CYP7B1: variants seen among roughly 807,000 people sequenced by gnomAD.
CYP7B1 encodes cytochrome P450 7B1.
A neutral mutation model predicts 42.7 loss-of-function variants in CYP7B1; 29 were observed. The observed-to-expected ratio is 0.68, with a 90% CI of 0.51 to 0.93. The LOEUF is 0.93. Among genes scored for constraint, CYP7B1 ranks in the 40% least tolerant of loss-of-function variants. CYP7B1 has a pLI of 0.00. For synonymous variants in CYP7B1, 235 were observed against 218.2 expected (o/e 1.08, Z -0.68); for missense variants, 655 against 600.5 (o/e 1.09, Z -0.95).
In CYP7B1 at chr8:64,616,269, G is replaced by T; in HGVS notation, c.272C>A (p.Thr91Lys). ...FTVLLGGKYI[T>K]FILDPFQYQL... ...GTACTGGAAGGGGTCCAGGATAAAT[G>T]TTATGTACTTTCCTAGAAAAAAAAA... The change falls in exon 3 of 6, where the codon ACA becomes AAA. Residue 91 changes from threonine (T) to lysine (K), a missense_variant. By Grantham distance (78) the Thr-to-Lys change is moderately conservative. Coordinates refer to ENST00000310193, the MANE Select transcript of CYP7B1 (RefSeq NM_004820.5). 6.3e-7 allele frequency: 1 copy of T among 1,582,542 alleles called. No homozygotes were observed. Among genetic ancestry groups the T allele is most frequent in the Non-Finnish European group, 8.6e-7 (1 of 1,159,566 alleles).
intron 1 of CYP7B1, among the ~76,000 whole-genome samples, chr8:64,695,065 C>T (rs1370708669): frequency 6.6e-6 from 1 of 152,126 alleles, no homozygotes; most frequent in Admixed American, 6.5e-5. Context: ...CAAAACAATT[C>T]GAACCCTTCA....
At chr8:64,597,116 C>A (rs1805131434) in intron 5 of CYP7B1, among the ~76,000 whole-genome samples, 187 bp from the exon 6 acceptor site, 1 of 152,194 alleles carries the variant, frequency 6.6e-6, no homozygotes. Flanking sequence ...TAGGAAATTA[C>A]TTCTCCCATA....
At chr8:64,601,104 C>T (rs1233104541) in intron 5 of CYP7B1, among the ~76,000 whole-genome samples, 1 of 152,096 alleles carries the variant, frequency 6.6e-6, no homozygotes, top group African/African-American at 2.4e-5. Flanking sequence ...ATTCTAAGAA[C>T]AGTGGCAATA....
intron 4 of CYP7B1, among the ~76,000 whole-genome samples, chr8:64,611,931 C>A (rs1011999234): frequency 6.6e-5 from 10 of 152,094 alleles, no homozygotes; most frequent in Admixed American, 2.6e-4. Flanking sequence ...GGTTAAATGT[C>A]ATTTTGGTGA....
At chr8:64,683,072 C>T (rs1419315821) in intron 1 of CYP7B1, among the ~76,000 whole-genome samples, 3 of 152,190 alleles carry the variant, frequency 2.0e-5, no homozygotes, top group Admixed American at 2.0e-4. Context: ...GTAGTGTTTC[C>T]TCTCCATCCA....
chr8:64,749,802 T>C (rs1005762800), intron 1 of CYP7B1, among the ~76,000 whole-genome samples: 1 of 152,194 alleles, frequency 6.6e-6, no homozygotes, highest in African/African-American at 2.4e-5. Flanking sequence ...TTGAACTATT[T>C]CTTATTAAAA....
intron 1 of CYP7B1, among the ~76,000 whole-genome samples, chr8:64,702,951 C>T (rs1023826683): frequency 2.6e-5 from 4 of 151,998 alleles, no homozygotes; most frequent in African/African-American, 9.7e-5. Context: ...AGGAGCAATA[C>T]GTTTCAATCA....
At chr8:64,788,357 GA>G (rs1272953590) in intron 1 of CYP7B1, among the ~76,000 whole-genome samples, 1 of 152,148 alleles carries the variant, frequency 6.6e-6, no homozygotes, top group African/African-American at 2.4e-5. Context: ...ATAACTTGAT[GA>G]GAAAAAAATA....
At chr8:64,664,834 T>C (rs1293061770) in intron 1 of CYP7B1, among the ~76,000 whole-genome samples, 2 of 152,180 alleles carry the variant, frequency 1.3e-5, no homozygotes, top group Non-Finnish European at 1.5e-5. Flanking sequence ...ATGAGAAACA[T>C]TGCGACAGAA....
In CYP7B1 at chr8:64,624,400, T is replaced by C; in HGVS notation, c.259+3A>G. 1 of 1,613,806 alleles carries C rather than the reference T, an allele frequency of 6.2e-7. No individual in the cohort carries two copies. The highest frequency in any genetic ancestry group is 8.5e-7 in the Non-Finnish European group (1 of 1,179,868). On this transcript the variant is annotated splice_donor_region_variant and intron_variant, in intron 2 of 5. Coordinates refer to ENST00000310193, the MANE Select transcript of CYP7B1 (RefSeq NM_004820.5). Reference sequence around the variant, plus strand: ...ATAAGGTATTAATAGAAGTGCTTCTTACCACCAAGAAGAACTGTGAAAGTG... The same window carrying C: ...ATAAGGTATTAATAGAAGTGCTTCTCACCACCAAGAAGAACTGTGAAAGTG...
rs116843046 is a variant in CYP7B1 at position 64,619,168 on chromosome 8, G to A, written c.260-2887C>T. ...TGCTAATGTGAGATGCAAAACCAGA[G>A]TTTCTTTGTGATCTTTAATCAGACA... On this transcript the variant is annotated intron_variant, in intron 2 of 5. Coordinates refer to ENST00000310193, the MANE Select transcript of CYP7B1 (RefSeq NM_004820.5). 2.9e-3 allele frequency among the ~76,000 whole-genome samples: 438 copies of A among 152,284 alleles called. 14 individuals carry two copies. The East Asian group carries it at 0.078, about 27-fold the overall frequency.
At chr8:64,700,879 C>G (rs1806905805) in intron 1 of CYP7B1, among the ~76,000 whole-genome samples, 1 of 152,030 alleles carries the variant, frequency 6.6e-6, no homozygotes, top group Non-Finnish European at 1.5e-5. Flanking sequence ...CTGAAGCCAC[C>G]ACTATTTAGA....
intron 4 of CYP7B1, among the ~76,000 whole-genome samples, chr8:64,608,383 G>T (rs1035209496): frequency 5.3e-5 from 8 of 152,180 alleles, no homozygotes; most frequent in African/African-American, 1.9e-4. Context: ...CTGGGTTTCT[G>T]CCTCACACTT....
intron 1 of CYP7B1, among the ~76,000 whole-genome samples, chr8:64,658,010 G>C (rs1049000458): frequency 6.6e-6 from 1 of 152,094 alleles, no homozygotes; most frequent in South Asian, 2.1e-4. Context: ...TTCAAAAGTG[G>C]CTCCTTCTAC....
At position 64,616,087 on chromosome 8, in the gene CYP7B1, T is replaced by A; in HGVS notation, c.454A>T (p.Ile152Leu). The A allele has an allele frequency of 6.2e-7, 1 of 1,613,808 alleles. No homozygotes were observed. The highest frequency in any genetic ancestry group is 1.1e-5 in the South Asian group (1 of 91,080). The change falls in exon 3 of 6, where the codon ATA (isoleucine) becomes TTA (leucine). Residue 152 changes from isoleucine (I) to leucine (L), a missense_variant. Ile to Leu is a conservative substitution (Grantham distance 5). Transcript: ENST00000310193. ...TTCTGCATCATGCTTTCCAAGAGTA[T>A]GTCCAAAGATTTGCCTTGCAAAAAT... ...YQFLQGKSLD[I>L]LLESMMQNLK...
chr8:64,784,585 G>A (rs1040958369), intron 1 of CYP7B1, among the ~76,000 whole-genome samples: 1 of 152,080 alleles, frequency 6.6e-6, no homozygotes, highest in Admixed American at 6.6e-5. Context: ...ATGTATCATG[G>A]TTCAAAAAAA....
At chr8:64,702,933 A>C (rs1320986240) in intron 1 of CYP7B1, among the ~76,000 whole-genome samples, 1 of 152,094 alleles carries the variant, frequency 6.6e-6, no homozygotes, top group Non-Finnish European at 1.5e-5. Flanking sequence ...CATAGCTAAA[A>C]GATACTAAGG....
At chr8:64,665,559 G>GTTTTTTTTTTTTTTTT (rs540578806) in intron 1 of CYP7B1, among the ~76,000 whole-genome samples, 1 of 52,022 alleles carries the variant, frequency 1.9e-5, no homozygotes, top group Non-Finnish European at 3.2e-5. Context: ...TTTTTTGGTG[G>GTTTTTTTTTTTTTTTT]TTTTTTTTTT....
intron 1 of CYP7B1, among the ~76,000 whole-genome samples, chr8:64,654,987 G>A (rs1279072674): frequency 6.6e-6 from 1 of 152,142 alleles, no homozygotes; most frequent in African/African-American, 2.4e-5. Context: ...GATTGAAGCT[G>A]GACCCCTTTT....
Sources: gnomAD v4.1 joint callset for allele counts (sites outside exome capture counted in the v4.1 genomes callset) on GRCh38, gnomAD v4.1.1 for gene constraint, MANE v1.5 for transcripts, NCBI Gene and HGNC (gene_info 2026-07-23, HGNC 2026-07-21) for gene names.